Variants in CFAP206 observed in about 807,000 individuals in gnomAD.
CFAP206 encodes cilia- and flagella-associated protein 206.
A neutral mutation model predicts 65.4 loss-of-function variants in CFAP206; 53 were observed. That is an observed-to-expected ratio of 0.81 (90% confidence interval 0.65 to 1.02). The LOEUF (loss-of-function observed/expected upper bound fraction) is 1.02, where lower values mean the gene tolerates loss of function less well. Ranked by LOEUF, CFAP206 falls within the 50% of genes least tolerant of loss-of-function variation. The probability of loss-of-function intolerance (pLI) is 0.00; values close to 1 mark genes in which losing one functional copy is unlikely to be tolerated. For missense variants in CFAP206, 663 were observed against 753.2 expected, an observed-to-expected ratio of 0.88 and a Z score of 1.40; for synonymous variants, 250 against 254.4, an observed-to-expected ratio of 0.98 and a Z score of 0.17.
chr6:87,448,754 G>A (rs1430853602), intron 11 of CFAP206, among the ~76,000 whole-genome samples: 1 of 152,028 alleles, frequency 6.6e-6, no homozygotes, highest in African/African-American at 2.4e-5. Context: ...AGTGAAACAT[G>A]TGATATTTGT....
intron 11 of CFAP206, among the ~76,000 whole-genome samples, chr6:87,443,726 C>A (rs1456211663): frequency 6.6e-6 from 1 of 152,068 alleles, no homozygotes; most frequent in African/African-American, 2.4e-5. Context: ...TCTTGTCACC[C>A]AGGTAGTGAG....
chr6:87,435,030 G>T lies in CFAP206; in HGVS notation c.1471G>T (p.Glu491Ter), dbSNP rs1768232688. The T allele has an allele frequency of 1.2e-6, 2 of 1,603,242 alleles. No individual in the cohort carries two copies. Among genetic ancestry groups the T allele is most frequent in the Admixed American group, 1.7e-5 (1 of 58,376 alleles). ...IQLLELHQQF[E>*]TFIPYSQMRD... The stretch of plus-strand genomic sequence containing the variant: ...ACTATTGGAACTTCATCAACAGTTT[G>T]AAACATTTATTCCATATTCTCAGGT... Residue 491 changes from glutamate to a stop codon, truncating the protein, a stop_gained, in exon 11 of 13, where the codon GAA (glutamate) becomes TAA (stop). Coordinates refer to ENST00000369562, the MANE Select transcript of CFAP206 (RefSeq NM_001031743.3). LOFTEE classifies it high-confidence loss of function.
At chr6:87,443,100 A>T (rs1247437379) in intron 11 of CFAP206, among the ~76,000 whole-genome samples, 2 of 152,178 alleles carry the variant, frequency 1.3e-5, no homozygotes, top group Non-Finnish European at 2.9e-5. Context: ...GGTTGGAAAC[A>T]TTATAACTAT....
chr6:87,457,309 A>C (rs1225108275), intron 11 of CFAP206, among the ~76,000 whole-genome samples: 1 of 152,214 alleles, frequency 6.6e-6, no homozygotes, highest in Non-Finnish European at 1.5e-5. Context: ...AGAAATAGAA[A>C]AAATAACCTT....
At chr6:87,431,294 AG>A (rs1366720746) in intron 10 of CFAP206, 121 bp downstream of exon 10, 14 of 937,556 alleles carry the variant, frequency 1.5e-5, no homozygotes, top group Middle Eastern at 2.2e-4. Context: ...GAACTAACAA[AG>A]GATCTACAAA....
intron 11 of CFAP206, among the ~76,000 whole-genome samples, chr6:87,459,951 T>A (rs1418169479): frequency 1.3e-5 from 2 of 152,230 alleles, no homozygotes; most frequent in East Asian, 3.8e-4. Context: ...TTTATCTCTG[T>A]CTTTTTCATG....
intron 11 of CFAP206, among the ~76,000 whole-genome samples, chr6:87,439,854 T>C (rs1768333962): frequency 6.6e-6 from 1 of 152,094 alleles, no homozygotes; most frequent in Admixed American, 6.6e-5. Flanking sequence ...TTTTGCACTC[T>C]CTATTATGTT....
At position 87,416,679 on chromosome 6, in the gene CFAP206, G is replaced by A; in HGVS notation, c.483G>A (p.Gln161=). The A allele has an allele frequency of 6.2e-7, 1 of 1,606,894 alleles. No homozygotes were observed. The highest frequency in any genetic ancestry group is 8.5e-7 in the Non-Finnish European group (1 of 1,176,176). ...KTVREVTAAL[Q]SVFPQAELGT... is the part of the protein sequence containing the mutation. ...TCTGGTTTATTTTAGCTGCTCTACA[G>A]AGTGTTTTTCCTCAGGCAGAGCTTG... Residue 161 remains glutamine, a synonymous_variant, in exon 6 of 13, where the codon CAG becomes CAA. Coordinates refer to ENST00000369562, the MANE Select transcript of CFAP206 (RefSeq NM_001031743.3).
chr6:87,454,219 G>A (rs1179187924), intron 11 of CFAP206, among the ~76,000 whole-genome samples: 1 of 152,106 alleles, frequency 6.6e-6, no homozygotes, highest in South Asian at 2.1e-4. Context: ...ACCCAACACT[G>A]GAGTATCCAG....
chr6:87,434,743 C>T, intron 10 of CFAP206, 117 bp from the exon 11 acceptor site: 1 of 558,510 alleles, frequency 1.8e-6, no homozygotes, highest in Non-Finnish European at 3.1e-6. Context: ...GGTGGTCTGC[C>T]TGCTTTGGCC....
At chr6:87,447,967 T>C (rs922820295) in intron 11 of CFAP206, among the ~76,000 whole-genome samples, 1 of 150,906 alleles carries the variant, frequency 6.6e-6, no homozygotes, top group Non-Finnish European at 1.5e-5. Flanking sequence ...ATTATTATTA[T>C]TACTATACTT....
intron 10 of CFAP206, among the ~76,000 whole-genome samples, chr6:87,434,395 A>T (rs1562247949): frequency 6.7e-6 from 1 of 148,460 alleles, no homozygotes. Flanking sequence ...AGTCTTATCA[A>T]CTTATCTTTT....
chr6:87,434,490 C>A (rs1359373965), intron 10 of CFAP206, among the ~76,000 whole-genome samples: 1 of 129,240 alleles, frequency 7.7e-6, no homozygotes, highest in African/African-American at 2.8e-5. Context: ...AACAATATTT[C>A]TTTTTCTTTT....
In CFAP206 at chr6:87,435,085, A is replaced by T. The variant is rs200821532; in HGVS notation, c.1494+32A>T. 22 of 1,445,122 alleles carry T rather than the reference A, an allele frequency of 1.5e-5. No individual in the cohort carries two copies. In the African/African-American group the frequency reaches 3.1e-4, roughly 21 times the overall value. The allele number at this position is 1,445,122 out of a possible 1,614,324, so 89.5% of individuals were successfully genotyped here. Reference sequence around the variant, plus strand: ...AGGGTCAATATTTTATGAATTTATGACATTTAAAAATATAGTTAATTTAAA... The same window carrying T: ...AGGGTCAATATTTTATGAATTTATGTCATTTAAAAATATAGTTAATTTAAA... On this transcript the variant is annotated intron_variant, in intron 11 of 12. Coordinates refer to ENST00000369562, the MANE Select transcript of CFAP206 (RefSeq NM_001031743.3).
chr6:87,422,954 G>A (rs1014236568), intron 7 of CFAP206, among the ~76,000 whole-genome samples: 1 of 151,868 alleles, frequency 6.6e-6, no homozygotes, highest in Admixed American at 6.6e-5. Context: ...ACAGGGTCTC[G>A]CTCTGTCACC....
At chr6:87,421,162 T>A (rs1327082617) in intron 7 of CFAP206, among the ~76,000 whole-genome samples, 1 of 152,230 alleles carries the variant, frequency 6.6e-6, no homozygotes, top group Non-Finnish European at 1.5e-5. Flanking sequence ...AATTCTCTCA[T>A]CAAAGTTTCA....
At chr6:87,460,536 A>C (rs970486119) in intron 11 of CFAP206, among the ~76,000 whole-genome samples, 2 of 152,216 alleles carry the variant, frequency 1.3e-5, no homozygotes, top group African/African-American at 2.4e-5. Flanking sequence ...ACAGAAAACC[A>C]AACACTGCAT....
intron 11 of CFAP206, chr6:87,435,354 G>T (rs1768246269): frequency 8.9e-6 from 2 of 225,274 alleles, no homozygotes; most frequent in Non-Finnish European, 1.8e-5. Context: ...AATTGGAGGA[G>T]CTCAACACAG....
chr6:87,409,440 C>T (rs1352049870), intron 1 of CFAP206, among the ~76,000 whole-genome samples: 15 of 151,722 alleles, frequency 9.9e-5, no homozygotes, highest in African/African-American at 2.7e-4. Flanking sequence ...CTCGAACTCC[C>T]GACCTCAGGT....
Sources: gnomAD v4.1 joint callset for allele counts (sites outside exome capture counted in the v4.1 genomes callset) on GRCh38, gnomAD v4.1.1 for gene constraint, MANE v1.5 for transcripts, NCBI Gene and HGNC (gene_info 2026-07-23, HGNC 2026-07-21) for gene names.